COBLL1: variants seen among roughly 807,000 people sequenced by gnomAD.
COBLL1 encodes the protein cordon-bleu WH2 repeat protein like 1, also known as cordon-bleu protein-like 1.
Under a neutral mutation model 94.8 loss-of-function variants are expected in COBLL1, and 50 were observed. The ratio of observed to expected loss-of-function variants is 0.53; its 90% CI spans 0.42 to 0.67. COBLL1 has a LOEUF of 0.67. Ranked by LOEUF, COBLL1 falls within the 30% of genes least tolerant of loss-of-function variation. The pLI, the probability that COBLL1 is intolerant of heterozygous loss-of-function variation, is 0.00. For missense variants in COBLL1, 1,362 were observed against 1,348.7 expected (o/e 1.01, Z -0.15); for synonymous variants, 448 against 473.8 (o/e 0.95, Z 0.71).
At chr2:164,742,552 G>A (rs568811566) in intron 3 of COBLL1, among the ~76,000 whole-genome samples, 1 of 152,136 alleles carries the variant, frequency 6.6e-6, no homozygotes, top group African/African-American at 2.4e-5. Flanking sequence ...GCCTACCACA[G>A]ACAATTTTCT....
At chr2:164,723,472 C>T (rs1371965036) in intron 5 of COBLL1, 5 of 152,052 alleles carry the variant, frequency 3.3e-5, no homozygotes, top group Admixed American at 6.5e-5. Context: ...ATCAAAGAAT[C>T]TACAAGATAA....
chr2:164,779,585 ACACAGAGCCTATTTC>A (rs1688639921), intron 2 of COBLL1: 1 of 455,306 alleles, frequency 2.2e-6, no homozygotes. Flanking sequence ...ATTTCCCAGA[ACACAGAGCCTATTTC>A]CACAGGACGC....
In COBLL1 at chr2:164,841,121, C is replaced by T. The variant is rs1683580291; in HGVS notation, c.41+35G>A. On this transcript the variant is annotated intron_variant, in intron 2 of 13. Transcript: ENST00000652658. This position sits in a 1 kb window ranked among gnomAD's most constrained non-coding sequence, Gnocchi z 5.5. Reference sequence around the variant, plus strand: ...TCGCTGTCCTCGCCGGCCTCGCCCTCCCCGGTGAGAGGCGGCGCGGCGCTC... The same window carrying T: ...TCGCTGTCCTCGCCGGCCTCGCCCTTCCCGGTGAGAGGCGGCGCGGCGCTC... The T allele has an allele frequency of 8.1e-7, 1 of 1,229,338 alleles. No homozygotes were observed. Among genetic ancestry groups the T allele is most frequent in the Non-Finnish European group, 1.0e-6 (1 of 986,324 alleles). 76.2% of individuals were successfully genotyped at this position (1,229,338 alleles called of 1,614,324 possible).
intron 3 of COBLL1, among the ~76,000 whole-genome samples, chr2:164,731,227 T>G (rs1335129544): frequency 6.6e-6 from 1 of 152,226 alleles, no homozygotes; most frequent in Admixed American, 6.5e-5. Context: ...TGGCCCATGA[T>G]AGAAAACGCT....
intron 4 of COBLL1, among the ~76,000 whole-genome samples, chr2:164,728,940 C>T (rs942872575): frequency 6.6e-6 from 1 of 151,796 alleles, no homozygotes; most frequent in Non-Finnish European, 1.5e-5. Context: ...CTAAGTGAAA[C>T]GTACATTTTG....
Position 164,685,099 on chromosome 2 carries a change from A to G in COBLL1, c.*847T>C, listed in dbSNP as rs1683214029. 1 of 152,136 alleles carries G rather than the reference A, an allele frequency of 6.6e-6. No individual in the cohort carries two copies. Among genetic ancestry groups the G allele is most frequent in the South Asian group, 2.1e-4 (1 of 4,838 alleles). 9.4% of individuals were successfully genotyped at this position (152,136 alleles called of 1,614,324 possible). A position where few individuals can be genotyped will look rare whatever the true frequency, so the allele number is the denominator to read the frequency against. ...TTCTGGAACTTCCAAATAGTCTTTA[A>G]AGTTTTTCAATATAAACATAAACTA... On this transcript the variant is annotated 3_prime_UTR_variant, in exon 14 of 14. Transcript: ENST00000652658.
intron 5 of COBLL1, among the ~76,000 whole-genome samples, chr2:164,726,401 A>G (rs1302140399): frequency 6.6e-6 from 1 of 152,068 alleles, no homozygotes; most frequent in African/African-American, 2.4e-5. Flanking sequence ...CTTTTTCTTA[A>G]TGGGTGAAAA....
intron 2 of COBLL1, among the ~76,000 whole-genome samples, chr2:164,757,531 A>G (rs1687472549): frequency 6.6e-6 from 1 of 152,118 alleles, no homozygotes; most frequent in African/African-American, 2.4e-5. Context: ...GAAAATGCAC[A>G]AATAGAAGTG....
Position 164,699,488 on chromosome 2 carries a change from C to T in COBLL1, c.1472G>A (p.Ser491Asn), listed in dbSNP as rs1684132167. Residue 491 changes from serine to asparagine, a missense_variant, in exon 11 of 14, where the codon AGT (serine) becomes AAT (asparagine). Physicochemically the swap from Ser to Asn is conservative, Grantham distance 46. Transcript: ENST00000652658. ...TCCATTGCTTGTATCATATACTACA[C>T]TGTGTGGTTCTCTGGAAGATACGAC... ...TKSTDGQEPH[S>N]VVYDTSNGKK... 2 of 1,606,708 alleles carry T rather than the reference C, an allele frequency of 1.2e-6. No individual in the cohort carries two copies. Among genetic ancestry groups the T allele is most frequent in the African/African-American group, 2.7e-5 (2 of 74,696 alleles).
chr2:164,841,434 G>A lies in COBLL1; in HGVS notation c.-50-188C>T, dbSNP rs1274084647. On this transcript the variant is annotated intron_variant, in intron 1 of 13. Coordinates refer to ENST00000652658, the MANE Select transcript of COBLL1 (RefSeq NM_001365672.2). The surrounding 1 kb of genome is among the most constrained non-coding windows in gnomAD (Gnocchi z 5.5). ...GCCGCCGCCGTCTCTACAAGGTCTA[G>A]CGGGCGCCCAGAGCACGGCGGAGGA... The A allele has an allele frequency of 1.7e-6, 2 of 1,154,392 alleles. No individual in the cohort carries two copies. Among genetic ancestry groups the A allele is most frequent in the Non-Finnish European group, 2.1e-6 (2 of 938,990 alleles). The allele number at this position is 1,154,392 out of a possible 1,614,324, so 71.5% of individuals were successfully genotyped here. A position where few individuals can be genotyped will look rare whatever the true frequency, so the allele number is the denominator to read the frequency against.
chr2:164,743,473 T>G, intron 3 of COBLL1: 2 of 431,796 alleles, frequency 4.6e-6, no homozygotes, highest in Non-Finnish European at 8.2e-6. Flanking sequence ...TCAAGAGTCA[T>G]TTAATTGGGT....
Position 164,694,394 on chromosome 2 carries a change from T to G in COBLL1, c.2998A>C (p.Ser1000Arg), listed in dbSNP as rs377299562. Reference protein sequence around the residue: ...LAVVKRSQSFSKERTESPSAS... With the variant: ...LAVVKRSQSFRKERTESPSAS... ...CTAGGTGACTCGGTGCGCTCTTTAC[T>G]GAAAGACTGTGACCTTTTCACTACA... is the stretch of plus-strand genomic sequence containing the variant. The change falls in exon 12 of 14, where the codon AGT becomes CGT. Residue 1000 changes from serine to arginine, a missense_variant. Ser to Arg is a moderately radical substitution (Grantham distance 110). Coordinates refer to ENST00000652658, the MANE Select transcript of COBLL1 (RefSeq NM_001365672.2). The G allele has an allele frequency of 1.6e-4, 258 of 1,613,874 alleles. No individual in the cohort carries two copies. The highest frequency in any genetic ancestry group is 2.1e-4 in the Non-Finnish European group (250 of 1,179,932).
Position 164,841,581 on chromosome 2 carries a change from C to T in COBLL1, c.-51+129G>A, listed in dbSNP as rs1378606203. On this transcript the variant is annotated intron_variant, in intron 1 of 13. Coordinates refer to ENST00000652658, the MANE Select transcript of COBLL1 (RefSeq NM_001365672.2). This position sits in a 1 kb window ranked among gnomAD's most constrained non-coding sequence, Gnocchi z 5.5. ...GGAGCGGGGCCGGGCGCACGGGCACCGCTGCCACGCCGGCAGCGCACTCCC... is the reference window on the plus strand; with the variant it reads ...GGAGCGGGGCCGGGCGCACGGGCACTGCTGCCACGCCGGCAGCGCACTCCC... The T allele has an allele frequency of 2.4e-5, 12 of 490,930 alleles. No individual in the cohort carries two copies. The highest frequency in any genetic ancestry group is 2.9e-5 in the Non-Finnish European group (10 of 347,316). 30.4% of individuals were successfully genotyped at this position (490,930 alleles called of 1,614,324 possible). A position where few individuals can be genotyped will look rare whatever the true frequency, so the allele number is the denominator to read the frequency against.
intron 2 of COBLL1, among the ~76,000 whole-genome samples, chr2:164,773,046 G>A (rs895962612): frequency 6.6e-6 from 1 of 152,102 alleles, no homozygotes; most frequent in African/African-American, 2.4e-5. Context: ...ATTTAATGCA[G>A]GTAAATTGAC....
At chr2:164,713,520 C>A (rs910087408) in intron 7 of COBLL1, among the ~76,000 whole-genome samples, 5 of 152,024 alleles carry the variant, frequency 3.3e-5, no homozygotes, top group Non-Finnish European at 7.4e-5. Flanking sequence ...TAACTTGTAC[C>A]TTTTTGGTTA....
intron 3 of COBLL1, among the ~76,000 whole-genome samples, chr2:164,735,769 A>G (rs1686272348): frequency 6.6e-6 from 1 of 151,884 alleles, no homozygotes; most frequent in African/African-American, 2.4e-5. Flanking sequence ...TAGTTGATGC[A>G]CCTGAAGGCA....
In COBLL1 at chr2:164,722,406, A is replaced by T. The variant is rs982894411; in HGVS notation, c.759+19T>A. ...ATAATTGAAGAATCTTACAAAATGC[A>T]ATATAAGAAAATACTTACTTGGTCT... is the stretch of plus-strand genomic sequence containing the variant. On this transcript the variant is annotated intron_variant, in intron 6 of 13. Coordinates refer to ENST00000652658, the MANE Select transcript of COBLL1 (RefSeq NM_001365672.2). 1 of 1,492,414 alleles carries T rather than the reference A, an allele frequency of 6.7e-7. No individual in the cohort carries two copies. The highest frequency in any genetic ancestry group is 9.0e-7 in the Non-Finnish European group (1 of 1,105,362). The allele number at this position is 1,492,414 out of a possible 1,614,324, so 92.4% of individuals were successfully genotyped here.
intron 2 of COBLL1, among the ~76,000 whole-genome samples, chr2:164,658,387 A>T (rs1691012410): frequency 6.6e-6 from 1 of 152,072 alleles, no homozygotes; most frequent in Non-Finnish European, 1.5e-5. Context: ...AATGTCATTA[A>T]CATCAGAGCA....
chr2:164,736,984 T>C (rs1366385403), intron 3 of COBLL1, among the ~76,000 whole-genome samples: 3 of 152,122 alleles, frequency 2.0e-5, no homozygotes, highest in Non-Finnish European at 4.4e-5. Context: ...CTATTGCACT[T>C]GTAATCACAA....
Sources: gnomAD v4.1 joint callset for allele counts (sites outside exome capture counted in the v4.1 genomes callset) on GRCh38, gnomAD v4.1.1 for gene constraint, Gnocchi (gnomAD v3.1) non-coding constraint, MANE v1.5 for transcripts, NCBI Gene and HGNC (gene_info 2026-07-23, HGNC 2026-07-21) for gene names.